The following EXT2 variants were observed in gnomAD, a reference collection of about 807,000 sequenced individuals.
The protein encoded by EXT2 is exostosin-2.
In EXT2, 53 loss-of-function variants were observed where a neutral mutation model predicts 81.6. That is an observed-to-expected ratio of 0.65 (90% CI 0.52 to 0.82). EXT2 has a LOEUF of 0.82. EXT2 is among the 40% of genes least tolerant of loss of function. The probability of loss-of-function intolerance (pLI) is 0.00; values close to 1 mark genes in which losing one functional copy is unlikely to be tolerated. For synonymous variants in EXT2, 320 were observed against 340.0 expected (o/e 0.94, Z 0.65); for missense variants, 774 against 910.2 (o/e 0.85, Z 1.93).
chr11:44,121,142 G>C (rs554619023), intron 4 of EXT2, among the ~76,000 whole-genome samples: 1 of 152,204 alleles, frequency 6.6e-6, no homozygotes, highest in African/African-American at 2.4e-5. Context: ...AAGCCCTAGT[G>C]GGGTGGGAGC....
At chr11:44,233,863 G>A (rs936424914) in intron 11 of EXT2, among the ~76,000 whole-genome samples, 1 of 152,106 alleles carries the variant, frequency 6.6e-6, no homozygotes, top group East Asian at 1.9e-4. Flanking sequence ...ATATATGGTA[G>A]TTTTAGAATT....
intron 4 of EXT2, among the ~76,000 whole-genome samples, chr11:44,124,302 G>A (rs1954363263): frequency 6.6e-6 from 1 of 152,078 alleles, no homozygotes; most frequent in Non-Finnish European, 1.5e-5. Flanking sequence ...GAGCCCTTCA[G>A]TTGCCTGCCA....
intron 12 of EXT2, 62 bp from the exon 13 acceptor site, chr11:44,236,231 C>A: frequency 6.9e-7 from 1 of 1,447,392 alleles, no homozygotes. Context: ...TGTGGTGTCA[C>A]AAGCATGATT....
intron 8 of EXT2, among the ~76,000 whole-genome samples, chr11:44,172,340 C>A (rs556345908): frequency 6.6e-6 from 1 of 152,290 alleles, no homozygotes; most frequent in South Asian, 2.1e-4. Flanking sequence ...AATCACAAGG[C>A]ACATGTGTCC....
Position 44,195,798 on chromosome 11 carries a change from T to C in EXT2, c.1306-2031T>C, listed in dbSNP as rs78990719. 7.3e-3 allele frequency among the ~76,000 whole-genome samples: 1,106 copies of C among 152,322 alleles called. 15 individuals carry two copies. Among genetic ancestry groups the C allele is most frequent in the African/African-American group, 0.025 (1,042 of 41,562 alleles). ...ATTCTCAGCCACCTTCTGGCAAAGA[T>C]GGAATTCAGTCCTGGGCTTTTTGCA... is the stretch of plus-strand genomic sequence containing the variant. On this transcript the variant is annotated intron_variant, in intron 8 of 13. Transcript: ENST00000533608.
chr11:44,171,827 G>T (rs1323503964), intron 8 of EXT2, 85 bp downstream of exon 8: 13 of 1,579,948 alleles, frequency 8.2e-6, no homozygotes, highest in Middle Eastern at 1.8e-4. Flanking sequence ...AATTGTAAAG[G>T]TTATTTAAAT....
chr11:44,250,474 C>A lies in EXT2; in HGVS notation c.*6187C>A, dbSNP rs1386004386. Among the ~76,000 whole-genome samples the A allele has an allele frequency of 6.6e-6, 1 of 152,148 alleles. No homozygotes were observed. Among genetic ancestry groups the A allele is most frequent in the East Asian group, 1.9e-4 (1 of 5,196 alleles). ...TAACCAGATCGTTTACCAGATTGTA[C>A]CTGGTGATGCTGGCAGCCAGCCCTC... On this transcript the variant is annotated 3_prime_UTR_variant, in exon 14 of 14. Coordinates refer to ENST00000533608, the MANE Select transcript of EXT2 (RefSeq NM_207122.2).
chr11:44,142,045 GATTAATAA>G (rs1349094887), intron 7 of EXT2, among the ~76,000 whole-genome samples: 4 of 152,320 alleles, frequency 2.6e-5, no homozygotes, highest in African/African-American at 7.2e-5. Context: ...GGGTTAAACT[GATTAATAA>G]AATAAGTCAT....
At chr11:44,096,031 C>T (rs1381610169) in intron 1 of EXT2, among the ~76,000 whole-genome samples, 179 bp downstream of exon 1, 2 of 152,198 alleles carry the variant, frequency 1.3e-5, no homozygotes, top group East Asian at 3.9e-4. Context: ...ACAATGACTG[C>T]CCGCTTTTGG....
intron 3 of EXT2, 122 bp downstream of exon 3, chr11:44,109,405 G>A: frequency 1.1e-6 from 1 of 936,406 alleles, no homozygotes; most frequent in Non-Finnish European, 1.7e-6. Flanking sequence ...CTAGAAAATT[G>A]TCATAAGTAT....
At chr11:44,154,362 A>C (rs1954832125) in intron 7 of EXT2, among the ~76,000 whole-genome samples, 1 of 152,090 alleles carries the variant, frequency 6.6e-6, no homozygotes, top group South Asian at 2.1e-4. Context: ...TTTAATTTTT[A>C]GCTCCTACAA....
intron 4 of EXT2, among the ~76,000 whole-genome samples, chr11:44,124,536 T>C (rs954626043): frequency 6.6e-6 from 1 of 151,828 alleles, no homozygotes; most frequent in African/African-American, 2.4e-5. Context: ...CCTCACGATA[T>C]CAAGAACTGT....
chr11:44,120,224 C>G (rs1954296545), intron 4 of EXT2, among the ~76,000 whole-genome samples: 1 of 152,130 alleles, frequency 6.6e-6, no homozygotes, highest in East Asian at 1.9e-4. Context: ...TTGTGTATAA[C>G]TCAGCTGGAA....
chr11:44,151,470 A>G (rs1200362945), intron 7 of EXT2, among the ~76,000 whole-genome samples: 2 of 152,144 alleles, frequency 1.3e-5, no homozygotes, highest in Non-Finnish European at 1.5e-5. Context: ...AGTTGAAATT[A>G]TATAGTATGT....
At chr11:44,098,722 G>A (rs1006556402) in intron 1 of EXT2, among the ~76,000 whole-genome samples, 3 of 151,614 alleles carry the variant, frequency 2.0e-5, no homozygotes, top group Non-Finnish European at 2.9e-5. Flanking sequence ...AGCAGGGGTG[G>A]GGAAAGTAAT....
Position 44,249,420 on chromosome 11 carries a change from C to CCAGG in EXT2, c.*5137_*5140dup, listed in dbSNP as rs1564993673. On this transcript the variant is annotated 3_prime_UTR_variant, in exon 14 of 14. Transcript: ENST00000533608. ...AAGACAAGGTAGTTCTCAAGAAGTA[C>CCAGG]CAGGCAGCTGTGTCTGCTAGAGGCT... is the stretch of plus-strand genomic sequence containing the variant. Among the ~76,000 whole-genome samples, 1 of 152,168 alleles carries CCAGG rather than the reference C, an allele frequency of 6.6e-6. No homozygotes were observed. Among genetic ancestry groups the CCAGG allele is most frequent in the Non-Finnish European group, 1.5e-5 (1 of 68,026 alleles).
chr11:44,152,089 C>T (rs545301349), intron 7 of EXT2, among the ~76,000 whole-genome samples: 4 of 152,140 alleles, frequency 2.6e-5, no homozygotes, highest in Admixed American at 1.3e-4. Flanking sequence ...TAGAGTTTTA[C>T]GAGTATTTTG....
chr11:44,127,202 G>A (rs1032148313), intron 6 of EXT2, among the ~76,000 whole-genome samples: 4 of 152,172 alleles, frequency 2.6e-5, no homozygotes, highest in African/African-American at 9.7e-5. Flanking sequence ...TTTACGTATA[G>A]TCTGGCTGTT....
chr11:44,247,544 G>A lies in EXT2; in HGVS notation c.*3257G>A, dbSNP rs553799267. 1.3e-5 allele frequency among the ~76,000 whole-genome samples: 2 copies of A among 152,286 alleles called. No homozygotes were observed. Among genetic ancestry groups the A allele is most frequent in the South Asian group, 2.1e-4 (1 of 4,826 alleles). On this transcript the variant is annotated 3_prime_UTR_variant, in exon 14 of 14. Transcript: ENST00000533608. ...TGGGATTACGGGCGTGAGTCCCCAC[G>A]CTCAGCCACTGTATCCTTTACTCAG...
Sources: gnomAD v4.1 joint callset for allele counts (sites outside exome capture counted in the v4.1 genomes callset) on GRCh38, gnomAD v4.1.1 for gene constraint, MANE v1.5 for transcripts, NCBI Gene and HGNC (gene_info 2026-07-23, HGNC 2026-07-21) for gene names.